PTPRM: variants seen among roughly 807,000 people sequenced by gnomAD.
PTPRM encodes the protein receptor-type tyrosine-protein phosphatase mu.
Under a neutral mutation model 186.7 loss-of-function variants are expected in PTPRM, and 47 were observed. The ratio of observed to expected loss-of-function variants is 0.25; its 90% CI spans 0.20 to 0.32. PTPRM has a LOEUF of 0.32. Among genes scored for constraint, PTPRM ranks in the 10% least tolerant of loss-of-function variants. The pLI is 1.00. For missense variants in PTPRM, 1,494 were observed against 1,865.0 expected, an observed-to-expected ratio of 0.80 and a Z score of 3.66; for synonymous variants, 668 against 674.9, an observed-to-expected ratio of 0.99 and a Z score of 0.16.
chr18:7,571,583 T>G (rs527942582), intron 1 of PTPRM, among the ~76,000 whole-genome samples: 5 of 152,256 alleles, frequency 3.3e-5, no homozygotes, highest in Non-Finnish European at 7.3e-5. Context: ...AATAGAAATA[T>G]AGACTTAGCT....
intron 1 of PTPRM, among the ~76,000 whole-genome samples, chr18:7,609,519 CCTT>C (rs1488992081): frequency 1.5e-5 from 2 of 136,336 alleles, no homozygotes; most frequent in African/African-American, 3.2e-5. Context: ...CTGCCTGTCT[CCTT>C]TTTTTTTTTT....
At chr18:8,162,026 G>C (rs776690223) in intron 14 of PTPRM, among the ~76,000 whole-genome samples, 2 of 151,894 alleles carry the variant, frequency 1.3e-5, no homozygotes, top group Non-Finnish European at 2.9e-5. Flanking sequence ...CTGGACTCTT[G>C]TTGAGCCTCA....
intron 11 of PTPRM, among the ~76,000 whole-genome samples, chr18:8,102,580 G>A (rs1289186576): frequency 6.6e-6 from 1 of 152,188 alleles, no homozygotes; most frequent in African/African-American, 2.4e-5. Flanking sequence ...TGAGATTGCA[G>A]CAATTCAGTC....
intron 14 of PTPRM, among the ~76,000 whole-genome samples, chr18:8,223,096 T>A (rs907232809): frequency 6.6e-6 from 1 of 152,122 alleles, no homozygotes; most frequent in Non-Finnish European, 1.5e-5. Flanking sequence ...TGGTGGCACA[T>A]GCCTGTAGTC....
intron 7 of PTPRM, among the ~76,000 whole-genome samples, chr18:7,958,396 A>G (rs2053456674): frequency 6.6e-6 from 1 of 152,100 alleles, no homozygotes; most frequent in Admixed American, 6.6e-5. Flanking sequence ...GGGGAGAGCA[A>G]TCAGGATAGG....
At chr18:8,063,627 A>G (rs1335442362) in intron 7 of PTPRM, among the ~76,000 whole-genome samples, 1 of 152,130 alleles carries the variant, frequency 6.6e-6, no homozygotes, top group Admixed American at 6.5e-5. Context: ...TCTCTATTCA[A>G]TAACACTTTT....
chr18:7,975,993 A>G (rs1042451804), intron 7 of PTPRM, among the ~76,000 whole-genome samples: 2 of 152,058 alleles, frequency 1.3e-5, no homozygotes, highest in African/African-American at 4.8e-5. Context: ...ACATGGTGAA[A>G]CCCTGTCTCT....
At chr18:8,364,307 G>T (rs936455572) in intron 23 of PTPRM, among the ~76,000 whole-genome samples, 1 of 152,082 alleles carries the variant, frequency 6.6e-6, no homozygotes, top group African/African-American at 2.4e-5. Flanking sequence ...AAACAGGCTC[G>T]GGGTGGAAGT....
chr18:7,792,368 A>G (rs1235259120), intron 2 of PTPRM, among the ~76,000 whole-genome samples: 4 of 152,170 alleles, frequency 2.6e-5, no homozygotes, highest in African/African-American at 9.6e-5. Flanking sequence ...CCACAGAGGA[A>G]AACCCCAGAA....
intron 14 of PTPRM, among the ~76,000 whole-genome samples, chr18:8,222,577 T>G (rs909668857): frequency 2.6e-5 from 4 of 152,218 alleles, no homozygotes; most frequent in Non-Finnish European, 4.4e-5. Flanking sequence ...AGTTTTCATC[T>G]GAGCGGGGAC....
At chr18:8,038,230 T>A (rs1768007510) in intron 7 of PTPRM, among the ~76,000 whole-genome samples, 2 of 152,118 alleles carry the variant, frequency 1.3e-5, no homozygotes, top group Admixed American at 6.6e-5. Flanking sequence ...TCTCTGGAAT[T>A]TAGAACAAAA....
intron 14 of PTPRM, among the ~76,000 whole-genome samples, chr18:8,147,773 G>T (rs758012044): frequency 3.2e-4 from 48 of 152,164 alleles, no homozygotes; most frequent in Non-Finnish European, 5.6e-4. Context: ...TATGATATTG[G>T]CTGTGGGTTT....
intron 14 of PTPRM, among the ~76,000 whole-genome samples, chr18:8,155,230 C>A (rs189162888): frequency 1.1e-4 from 16 of 152,148 alleles, no homozygotes; most frequent in Admixed American, 7.9e-4. Flanking sequence ...ACATGTTTGA[C>A]AGAACTTAGT....
chr18:7,966,231 C>A (rs1279029961), intron 7 of PTPRM, among the ~76,000 whole-genome samples: 2 of 151,958 alleles, frequency 1.3e-5, no homozygotes, highest in Non-Finnish European at 2.9e-5. Flanking sequence ...TATAGTTATA[C>A]CTGTTATTAA....
In PTPRM at chr18:7,567,719, C is replaced by T. The variant is rs945637026; in HGVS notation, c.-100C>T. The stretch of plus-strand genomic sequence containing the variant: ...TTGGCTTAGCGCTCTGCTGTTTACC[C>T]GTCTCTCCTCGCTGCCTCGGAACCA... On this transcript the variant is annotated 5_prime_UTR_variant, in exon 1 of 33. Transcript: ENST00000580170. This position sits in a 1 kb window ranked among gnomAD's most constrained non-coding sequence, Gnocchi z 4.3. The T allele has an allele frequency of 1.9e-6, 2 of 1,077,048 alleles. No homozygotes were observed. The highest frequency in any genetic ancestry group is 1.7e-5 in the African/African-American group (1 of 58,640). The allele number at this position is 1,077,048 out of a possible 1,614,324, so 66.7% of individuals were successfully genotyped here. A position where few individuals can be genotyped will look rare whatever the true frequency, so the allele number is the denominator to read the frequency against.
intron 2 of PTPRM, among the ~76,000 whole-genome samples, chr18:7,877,223 C>T (rs1275574850): frequency 6.6e-6 from 1 of 152,134 alleles, no homozygotes; most frequent in Non-Finnish European, 1.5e-5. Flanking sequence ...GACTTGGTAG[C>T]ATCTAAGCAT....
chr18:7,839,624 C>A (rs1322430091), intron 2 of PTPRM, among the ~76,000 whole-genome samples: 1 of 152,204 alleles, frequency 6.6e-6, no homozygotes, highest in Non-Finnish European at 1.5e-5. Context: ...GATGGGGTCT[C>A]TGTTGGAGCC....
At chr18:8,257,343 G>T (rs142439411) in intron 19 of PTPRM, among the ~76,000 whole-genome samples, 30 of 152,306 alleles carry the variant, frequency 2.0e-4, no homozygotes, top group African/African-American at 5.3e-4. Flanking sequence ...ATCACCAAAA[G>T]CACCTCCTGT....
intron 2 of PTPRM, among the ~76,000 whole-genome samples, chr18:7,783,748 T>TG (rs2042965390): frequency 2.0e-5 from 3 of 146,620 alleles, no homozygotes; most frequent in African/African-American, 7.6e-5. Context: ...ATTTTTAATT[T>TG]TGTGTGTGTG....
Sources: allele counts gnomAD v4.1 joint callset (sites outside exome capture counted in the v4.1 genomes callset), GRCh38; gene constraint gnomAD v4.1.1; non-coding constraint Gnocchi (gnomAD v3.1); transcripts MANE v1.5; gene names NCBI Gene and HGNC (gene_info 2026-07-23, HGNC 2026-07-21).